BABAM2: variants seen among roughly 807,000 people sequenced by gnomAD.
The protein encoded by BABAM2 is BRISC and BRCA1 A complex member 2.
In BABAM2, 31 loss-of-function variants were observed where a neutral mutation model predicts 54.7. The observed-to-expected ratio is 0.57, with a 90% CI of 0.43 to 0.77. BABAM2 has a LOEUF of 0.77. BABAM2 is among the 30% of genes least tolerant of loss of function. BABAM2 has a pLI of 0.00. For missense variants in BABAM2, 364 were observed against 455.8 expected (o/e 0.80, Z 1.83); for synonymous variants, 167 against 162.9 (o/e 1.03, Z -0.19).
chr2:28,298,573 G>A (rs1687877003), intron 11 of BABAM2, 82 bp downstream of exon 11: 1 of 1,525,938 alleles, frequency 6.6e-7, no homozygotes, highest in South Asian at 1.2e-5. Flanking sequence ...CTGCTTGCAG[G>A]TTAGTTCCTG....
intron 7 of BABAM2, among the ~76,000 whole-genome samples, chr2:28,174,911 T>C (rs971624461): frequency 2.0e-5 from 3 of 152,138 alleles, no homozygotes; most frequent in African/African-American, 4.8e-5. Flanking sequence ...TGTGGTGTGA[T>C]GCCCCAGCAC....
intron 7 of BABAM2, among the ~76,000 whole-genome samples, chr2:28,211,545 G>A (rs1415703350): frequency 6.6e-6 from 1 of 151,686 alleles, no homozygotes; most frequent in South Asian, 2.1e-4. Flanking sequence ...CTGCCACCAC[G>A]CCCAGCTAAT....
intron 4 of BABAM2, among the ~76,000 whole-genome samples, chr2:28,018,125 T>G (rs1451778765): frequency 6.6e-6 from 1 of 152,212 alleles, no homozygotes; most frequent in African/African-American, 2.4e-5. Context: ...ACGTGTAGTC[T>G]TTTATTTCTT....
chr2:28,144,314 G>C (rs559596166), intron 7 of BABAM2, among the ~76,000 whole-genome samples: 1 of 152,240 alleles, frequency 6.6e-6, no homozygotes, highest in East Asian at 1.9e-4. Context: ...TCTAGATACT[G>C]TGCACAGGGA....
At chr2:28,276,348 C>T (rs1402227914) in intron 10 of BABAM2, among the ~76,000 whole-genome samples, 1 of 152,080 alleles carries the variant, frequency 6.6e-6, no homozygotes, top group Non-Finnish European at 1.5e-5. Flanking sequence ...CACCGAGATA[C>T]CTGTGACTCA....
chr2:28,323,657 T>A (rs79845053), intron 11 of BABAM2, among the ~76,000 whole-genome samples: 2,233 of 152,234 alleles, frequency 0.015, 62 homozygotes, highest in African/African-American at 0.051. Flanking sequence ...GTCCACAGTT[T>A]GACTATGCGG....
chr2:28,143,917 G>A lies in BABAM2; in HGVS notation c.680+14537G>A, dbSNP rs149946257. 5.3e-5 allele frequency among the ~76,000 whole-genome samples: 8 copies of A among 152,192 alleles called. No homozygotes were observed. In the East Asian group the frequency reaches 1.3e-3, roughly 26 times the overall value. On this transcript the variant is annotated intron_variant, in intron 7 of 11. Transcript: ENST00000379624. Reference sequence around the variant, plus strand: ...TAGAACTTCATCTCTACCCTCAACAGCCTCTTTACCTTCTATCCTGACCCA... The same window carrying A: ...TAGAACTTCATCTCTACCCTCAACAACCTCTTTACCTTCTATCCTGACCCA...
intron 3 of BABAM2, among the ~76,000 whole-genome samples, chr2:27,942,791 A>AATTTATTTATTT (rs34308709): frequency 0.036 from 5,152 of 141,818 alleles, 118 homozygotes; most frequent in East Asian, 0.047. Context: ...TTTCTTAAAA[A>AATTTATTTATTT]ATTTATTTAT....
At chr2:28,200,740 C>T (rs1678171839) in intron 7 of BABAM2, among the ~76,000 whole-genome samples, 1 of 141,002 alleles carries the variant, frequency 7.1e-6, no homozygotes, top group Non-Finnish European at 1.5e-5. Context: ...TACTAGTTTA[C>T]CAGGTATCTA....
intron 3 of BABAM2, among the ~76,000 whole-genome samples, chr2:27,965,585 TA>T (rs1213181033): frequency 2.6e-5 from 4 of 152,026 alleles, no homozygotes; most frequent in Non-Finnish European, 4.4e-5. Flanking sequence ...TGACACACTT[TA>T]AAAAAAATCA....
chr2:27,902,146 T>G (rs891584147), intron 2 of BABAM2, among the ~76,000 whole-genome samples: 1 of 152,166 alleles, frequency 6.6e-6, no homozygotes, highest in South Asian at 2.1e-4. Context: ...TTCTCTCACA[T>G]GTGCACAAGA....
intron 11 of BABAM2, among the ~76,000 whole-genome samples, chr2:28,314,111 A>G (rs1480295285): frequency 6.6e-6 from 1 of 152,222 alleles, no homozygotes; most frequent in Non-Finnish European, 1.5e-5. Context: ...AGAATAAACA[A>G]TGGGTCACCC....
chr2:28,063,239 T>G (rs1679045103), intron 6 of BABAM2, among the ~76,000 whole-genome samples: 1 of 152,210 alleles, frequency 6.6e-6, no homozygotes, highest in South Asian at 2.1e-4. Flanking sequence ...GAAGCTGTGT[T>G]TCTCATCACG....
chr2:28,217,861 G>A (rs1453050949), intron 7 of BABAM2, among the ~76,000 whole-genome samples: 7 of 152,150 alleles, frequency 4.6e-5, no homozygotes, highest in East Asian at 1.9e-4. Flanking sequence ...TACAGTGTTC[G>A]AGAAAACTAA....
intron 7 of BABAM2, among the ~76,000 whole-genome samples, chr2:28,176,925 T>G (rs1675069178): frequency 6.6e-6 from 1 of 150,530 alleles, no homozygotes. Flanking sequence ...ATAAAGTGAC[T>G]AATTCAAATT....
At chr2:28,123,551 T>C (rs1479432860) in intron 6 of BABAM2, among the ~76,000 whole-genome samples, 2 of 152,236 alleles carry the variant, frequency 1.3e-5, no homozygotes, top group Non-Finnish European at 2.9e-5. Context: ...ACAGTAATCA[T>C]CTGTAATGTT....
chr2:28,132,739 C>T (rs1670197432), intron 7 of BABAM2, among the ~76,000 whole-genome samples: 1 of 152,160 alleles, frequency 6.6e-6, no homozygotes, highest in Non-Finnish European at 1.5e-5. Context: ...CTCTTTGTAA[C>T]ACTGAATTTA....
At chr2:28,253,928 G>A (rs776644121) in intron 10 of BABAM2, among the ~76,000 whole-genome samples, 1 of 152,184 alleles carries the variant, frequency 6.6e-6, no homozygotes, top group Admixed American at 6.5e-5. Flanking sequence ...GCTCAAGGTA[G>A]GGATTCATTT....
At chr2:27,971,689 CAT>C (rs748695691) in intron 3 of BABAM2, among the ~76,000 whole-genome samples, 2 of 150,984 alleles carry the variant, frequency 1.3e-5, no homozygotes, top group African/African-American at 2.4e-5. Context: ...TAAATTTTCC[CAT>C]GTGTTTTTTT....
Sources: allele counts gnomAD v4.1 joint callset (sites outside exome capture counted in the v4.1 genomes callset), GRCh38; gene constraint gnomAD v4.1.1; transcripts MANE v1.5; gene names NCBI Gene and HGNC (gene_info 2026-07-23, HGNC 2026-07-21).